Variants in TENM2 observed in about 807,000 individuals in gnomAD.
TENM2 encodes the protein teneurin-2.
In TENM2, 52 loss-of-function variants were observed where a neutral mutation model predicts 245.2. The ratio of observed to expected loss-of-function variants is 0.21; its 90% confidence interval spans 0.17 to 0.27. TENM2 has a LOEUF of 0.27. Among genes scored for constraint, TENM2 ranks in the 10% least tolerant of loss-of-function variants. The pLI, the probability that TENM2 is intolerant of heterozygous loss-of-function variation, is 1.00. For synonymous variants in TENM2, 1,363 were observed against 1,438.9 expected, an observed-to-expected ratio of 0.95 and a Z score of 1.19; for missense variants, 3,046 against 3,666.8, an observed-to-expected ratio of 0.83 and a Z score of 4.37.
chr5:167,043,795 G>A, the TENM2 span, among the ~76,000 whole-genome samples: 57 of 152,192 alleles, frequency 3.7e-4, no homozygotes, highest in African/African-American at 1.2e-3. Flanking sequence ...GATCCGAGGT[G>A]GGCGGATCAC....
At chr5:167,703,907 G>T (rs201039289) in intron 2 of TENM2, among the ~76,000 whole-genome samples, 2 of 151,938 alleles carry the variant, frequency 1.3e-5, no homozygotes, top group Non-Finnish European at 2.9e-5. Context: ...GTTTGTGTTT[G>T]GTTTTTGTGG....
At chr5:167,200,401 C>T in the TENM2 span, among the ~76,000 whole-genome samples, 8 of 152,020 alleles carry the variant, frequency 5.3e-5, no homozygotes, top group East Asian at 2.0e-4. Flanking sequence ...CATTCTACTT[C>T]GTTTGTGGTC....
At chr5:167,167,635 T>C in the TENM2 span, among the ~76,000 whole-genome samples, 4 of 152,254 alleles carry the variant, frequency 2.6e-5, no homozygotes, top group African/African-American at 9.6e-5. Context: ...GACTGTCTTA[T>C]GTGTGATCAC....
the TENM2 span, among the ~76,000 whole-genome samples, chr5:167,203,469 T>C: frequency 6.6e-6 from 1 of 152,180 alleles, no homozygotes; most frequent in Non-Finnish European, 1.5e-5. Context: ...AGCTTAACTA[T>C]CATCACTTTC....
chr5:167,316,376 G>A (rs1172045768), intron 1 of TENM2, among the ~76,000 whole-genome samples: 1 of 152,188 alleles, frequency 6.6e-6, no homozygotes, highest in Non-Finnish European at 1.5e-5. Context: ...CCATTCCAGT[G>A]CAGAGTTGTA....
chr5:167,238,010 A>AAAC, the TENM2 span, among the ~76,000 whole-genome samples: 1 of 91,872 alleles, frequency 1.1e-5, no homozygotes, highest in Admixed American at 1.1e-4. Flanking sequence ...ACTCTGTCTC[A>AAAC]AAAAAAAAAA....
At chr5:167,528,620 A>G (rs1376469945) in intron 2 of TENM2, among the ~76,000 whole-genome samples, 1 of 152,186 alleles carries the variant, frequency 6.6e-6, no homozygotes, top group African/African-American at 2.4e-5. Flanking sequence ...AGCTATATAA[A>G]TGGAGAAAAT....
chr5:167,018,587 T>A, the TENM2 span, among the ~76,000 whole-genome samples: 9 of 152,200 alleles, frequency 5.9e-5, no homozygotes, highest in Non-Finnish European at 8.8e-5. Context: ...AATCATTCAT[T>A]TATGTATCCA....
the TENM2 span, among the ~76,000 whole-genome samples, chr5:167,151,028 A>G: frequency 1.8e-4 from 27 of 152,202 alleles, no homozygotes; most frequent in Non-Finnish European, 2.9e-4. Flanking sequence ...CTACAAACAG[A>G]TATCTTTCAA....
the TENM2 span, among the ~76,000 whole-genome samples, chr5:167,013,622 G>A: frequency 6.6e-6 from 1 of 152,240 alleles, no homozygotes; most frequent in Admixed American, 6.5e-5. Flanking sequence ...CAGGAGAATT[G>A]CTTGAACCCA....
chr5:167,592,342 A>G (rs1775932948), intron 2 of TENM2, among the ~76,000 whole-genome samples: 1 of 152,182 alleles, frequency 6.6e-6, no homozygotes, highest in Admixed American at 6.5e-5. Context: ...CTGGAAGAGA[A>G]GCCCCAGCTC....
At chr5:166,988,532 T>A in the TENM2 span, among the ~76,000 whole-genome samples, 7,703 of 152,324 alleles carry the variant, frequency 0.051, 348 homozygotes, top group Middle Eastern at 0.16. Context: ...CAACACAGAA[T>A]ACATCTGTGC....
chr5:167,053,277 C>A, the TENM2 span, among the ~76,000 whole-genome samples: 8 of 152,146 alleles, frequency 5.3e-5, no homozygotes, highest in Admixed American at 4.6e-4. Context: ...TTCTTATAAG[C>A]ATGGTATTAA....
At position 167,671,734 on chromosome 5, in the gene TENM2, GATATAT is replaced by G. The variant is rs554342867; in HGVS notation, c.503-204245_503-204240del. On this transcript the variant is annotated intron_variant, in intron 2 of 28. Transcript: ENST00000518659. Reference sequence around the variant, plus strand: ...TACGTAAATAAAATCTTTAGCTACAGATATATATATATTTATAGCTACAGATTATAT... The same window carrying G: ...TACGTAAATAAAATCTTTAGCTACAGATATATTTATAGCTACAGATTATAT... Among the ~76,000 whole-genome samples the G allele has an allele frequency of 4.7e-5, 7 of 149,640 alleles. No individual in the cohort carries two copies. The Admixed American group carries it at 4.7e-4, about 10-fold the overall frequency.
chr5:167,914,191 A>G (rs894621967), intron 3 of TENM2, among the ~76,000 whole-genome samples: 4 of 152,218 alleles, frequency 2.6e-5, no homozygotes, highest in Admixed American at 6.5e-5. Context: ...TATGGCTGCT[A>G]TGGCAAATTA....
chr5:167,447,763 A>G (rs1329690909), intron 2 of TENM2, among the ~76,000 whole-genome samples: 1 of 152,238 alleles, frequency 6.6e-6, no homozygotes, highest in Non-Finnish European at 1.5e-5. Flanking sequence ...GTTAATGTAG[A>G]ATACCAGAAA....
chr5:168,183,760 T>G (rs1261726619), intron 13 of TENM2, among the ~76,000 whole-genome samples: 1 of 151,822 alleles, frequency 6.6e-6, no homozygotes, highest in Non-Finnish European at 1.5e-5. Flanking sequence ...CAGACTTTCC[T>G]TGGGGAAGTG....
chr5:166,997,334 G>A, the TENM2 span, among the ~76,000 whole-genome samples: 2 of 152,130 alleles, frequency 1.3e-5, no homozygotes, highest in Non-Finnish European at 2.9e-5. Flanking sequence ...AGTTCTATGA[G>A]TTTATTATAT....
chr5:167,855,926 G>A (rs960668289), intron 2 of TENM2, among the ~76,000 whole-genome samples: 3 of 148,928 alleles, frequency 2.0e-5, no homozygotes, highest in African/African-American at 7.4e-5. Flanking sequence ...AGGGAGGAAG[G>A]AAGGGAGGAA....
Sources: gnomAD v4.1 joint callset for allele counts (sites outside exome capture counted in the v4.1 genomes callset) on GRCh38, gnomAD v4.1.1 for gene constraint, MANE v1.5 for transcripts, NCBI Gene and HGNC (gene_info 2026-07-23, HGNC 2026-07-21) for gene names.